The following OCA2 variants were observed in gnomAD, a reference collection of about 807,000 sequenced individuals.
OCA2 encodes OCA2 melanosomal transmembrane protein.
Under a neutral mutation model 100.2 loss-of-function variants are expected in OCA2, and 77 were observed. The ratio of observed to expected loss-of-function variants is 0.77; its 90% CI spans 0.64 to 0.93. OCA2 has a LOEUF of 0.93. Among genes scored for constraint, OCA2 ranks in the 40% least tolerant of loss-of-function variants. The probability of loss-of-function intolerance (pLI) is 0.00; values close to 1 mark genes in which losing one functional copy is unlikely to be tolerated. For missense variants in OCA2, 1,062 were observed against 1,089.1 expected (o/e 0.98, Z 0.35); for synonymous variants, 432 against 439.2 (o/e 0.98, Z 0.21).
intron 22 of OCA2, 104 bp downstream of exon 22, chr15:27,851,278 C>G (rs999315891): frequency 1.2e-4 from 114 of 918,574 alleles, no homozygotes; most frequent in Middle Eastern, 3.0e-4. Context: ...ATCATCCAGA[C>G]TCTCCTTCAT....
At chr15:27,940,953 C>T (rs116660497) in intron 18 of OCA2, among the ~76,000 whole-genome samples, 6 of 152,158 alleles carry the variant, frequency 3.9e-5, no homozygotes, top group Non-Finnish European at 7.3e-5. Context: ...TAGCTTCAGA[C>T]AAGCAAGTGA....
At chr15:27,818,799 C>T (rs1264407686) in intron 23 of OCA2, among the ~76,000 whole-genome samples, 1 of 152,218 alleles carries the variant, frequency 6.6e-6, no homozygotes, top group East Asian at 1.9e-4. Context: ...GCATGCACAG[C>T]CCATCAGCCT....
At chr15:27,795,679 G>C (rs1305089648) in intron 23 of OCA2, among the ~76,000 whole-genome samples, 5 of 152,196 alleles carry the variant, frequency 3.3e-5, no homozygotes, top group Admixed American at 2.0e-4. Context: ...CTGAGAGCAG[G>C]GTAGGCTGTC....
the OCA2 span, among the ~76,000 whole-genome samples, chr15:27,738,159 T>C: frequency 1.3e-5 from 2 of 152,158 alleles, no homozygotes; most frequent in African/African-American, 2.4e-5. Context: ...CCTAGATATA[T>C]AGCAACCAGA....
intron 23 of OCA2, among the ~76,000 whole-genome samples, chr15:27,784,622 A>C (rs2032712748): frequency 6.6e-6 from 1 of 152,232 alleles, no homozygotes; most frequent in Non-Finnish European, 1.5e-5. Context: ...AAATCAAATG[A>C]GTATTTTGAG....
chr15:27,912,202 T>A (rs2038423345), intron 19 of OCA2, among the ~76,000 whole-genome samples: 1 of 152,172 alleles, frequency 6.6e-6, no homozygotes, highest in African/African-American at 2.4e-5. Context: ...GGTGTTGGTA[T>A]ACAAACACAT....
intron 2 of OCA2, among the ~76,000 whole-genome samples, chr15:28,074,882 A>T (rs1021642591): frequency 4.2e-4 from 64 of 152,344 alleles, no homozygotes; most frequent in African/African-American, 1.5e-3. Context: ...ATCAACAGAT[A>T]AATGGACAAT....
chr15:28,025,898 A>G (rs2042733994), intron 4 of OCA2, among the ~76,000 whole-genome samples: 1 of 152,194 alleles, frequency 6.6e-6, no homozygotes, highest in Admixed American at 6.5e-5. Flanking sequence ...CTTCTTTCTG[A>G]TCCTTTGAAA....
chr15:27,876,336 T>C (rs1048672393), intron 19 of OCA2, among the ~76,000 whole-genome samples: 3 of 152,108 alleles, frequency 2.0e-5, no homozygotes, highest in African/African-American at 7.2e-5. Context: ...TGTACTATTT[T>C]ATATACCATA....
Position 28,057,426 on chromosome 15 carries a change from T to C in OCA2, c.227+24222A>G, listed in dbSNP as rs544041555. ...TATGGGGCCTGCACTGTGAGAAGCC[T>C]CCATGCCCTTGTCAGGGTATCTGTG... On this transcript the variant is annotated intron_variant, in intron 2 of 23. Coordinates refer to ENST00000354638, the MANE Select transcript of OCA2 (RefSeq NM_000275.3). 7.1e-4 allele frequency among the ~76,000 whole-genome samples: 108 copies of C among 152,142 alleles called. 1 individual carries two copies. Among genetic ancestry groups the C allele is most frequent in the African/African-American group, 2.4e-3 (101 of 41,506 alleles).
intron 19 of OCA2, among the ~76,000 whole-genome samples, chr15:27,878,710 T>C (rs1483761062): frequency 6.6e-6 from 1 of 152,174 alleles, no homozygotes; most frequent in Non-Finnish European, 1.5e-5. Context: ...CATCCTGTGT[T>C]TTCACTGAAT....
In OCA2 at chr15:27,787,684, G is replaced by T. The variant is rs146141823; in HGVS notation, c.2433-32212C>A. Among the ~76,000 whole-genome samples, 7 of 151,826 alleles carry T rather than the reference G, an allele frequency of 4.6e-5. No individual in the cohort carries two copies. The East Asian group carries it at 1.4e-3, about 29-fold the overall frequency. On this transcript the variant is annotated intron_variant, in intron 23 of 23. Coordinates refer to ENST00000354638, the MANE Select transcript of OCA2 (RefSeq NM_000275.3). The stretch of plus-strand genomic sequence containing the variant: ...TGTCAATTTTGTCAAGATTTTTAAA[G>T]AATCAATTTGGGTTTCATTGATTTT...
intron 17 of OCA2, among the ~76,000 whole-genome samples, chr15:27,952,884 T>C (rs980988344): frequency 2.6e-5 from 4 of 152,066 alleles, no homozygotes; most frequent in South Asian, 2.1e-4. Context: ...GGTTTCACCA[T>C]GTTGCCCAGG....
intron 1 of OCA2, among the ~76,000 whole-genome samples, chr15:28,091,525 C>A (rs1342487833): frequency 1.3e-5 from 2 of 152,160 alleles, no homozygotes; most frequent in African/African-American, 4.8e-5. Flanking sequence ...AAAAATCAAT[C>A]AATGTTGAAC....
At chr15:27,720,071 G>C in the OCA2 span, among the ~76,000 whole-genome samples, 1 of 152,144 alleles carries the variant, frequency 6.6e-6, no homozygotes, top group African/African-American at 2.4e-5. Flanking sequence ...AGCACAGTTA[G>C]GTAATTAAAG....
chr15:27,895,473 A>C (rs1298902108), intron 19 of OCA2, among the ~76,000 whole-genome samples: 2 of 152,214 alleles, frequency 1.3e-5, no homozygotes, highest in Non-Finnish European at 2.9e-5. Context: ...CGATATGGAC[A>C]ATAAAGTCCA....
At chr15:27,983,787 A>G (rs1226058649) in intron 13 of OCA2, among the ~76,000 whole-genome samples, 1 of 152,000 alleles carries the variant, frequency 6.6e-6, no homozygotes, top group Non-Finnish European at 1.5e-5. Flanking sequence ...AGGGCAGGGC[A>G]GGCCCTCCAC....
At chr15:27,973,232 G>T (rs1296182488) in intron 14 of OCA2, among the ~76,000 whole-genome samples, 1 of 152,010 alleles carries the variant, frequency 6.6e-6, no homozygotes. Flanking sequence ...TTTGTTTTTG[G>T]GGTCTTTGTC....
chr15:27,795,520 A>G (rs1271258010), intron 23 of OCA2, among the ~76,000 whole-genome samples: 1 of 152,106 alleles, frequency 6.6e-6, no homozygotes, highest in Non-Finnish European at 1.5e-5. Flanking sequence ...GCAAGTTGGC[A>G]CTACAACCAA....
Sources: gnomAD v4.1 joint callset for allele counts (sites outside exome capture counted in the v4.1 genomes callset) on GRCh38, gnomAD v4.1.1 for gene constraint, MANE v1.5 for transcripts, NCBI Gene and HGNC (gene_info 2026-07-23, HGNC 2026-07-21) for gene names.